SBK1: variants seen among roughly 807,000 people sequenced by gnomAD.
SBK1 encodes serine/threonine-protein kinase SBK1.
In SBK1, 11 loss-of-function variants were observed where a neutral mutation model predicts 24.4. That is an observed-to-expected ratio of 0.45 (90% CI 0.28 to 0.75). The LOEUF (loss-of-function observed/expected upper bound fraction) is 0.75, where lower values mean the gene tolerates loss of function less well. Ranked by LOEUF, SBK1 falls within the 30% of genes least tolerant of loss-of-function variation. SBK1 has a pLI of 0.12. For missense variants in SBK1, 467 were observed against 620.5 expected, an observed-to-expected ratio of 0.75 and a Z score of 2.63; for synonymous variants, 308 against 284.4, an observed-to-expected ratio of 1.08 and a Z score of -0.83.
chr16:28,275,133 C>A (rs1201483293), intron 1 of SBK1, among the ~76,000 whole-genome samples: 2 of 152,118 alleles, frequency 1.3e-5, no homozygotes, highest in African/African-American at 2.4e-5. Context: ...CGAAACCAGC[C>A]TGGGCAATAT....
chr16:28,261,775 C>T (rs557230617), intron 1 of SBK1, among the ~76,000 whole-genome samples: 12 of 152,278 alleles, frequency 7.9e-5, no homozygotes, highest in African/African-American at 2.6e-4. Flanking sequence ...AGGTGAACAA[C>T]GTAAGCAAAC....
Position 28,320,364 on chromosome 16 carries a change from G to A in SBK1, c.718G>A (p.Gly240Ser), listed in dbSNP as rs1418027993. The change falls in exon 4 of 4, where the codon GGC becomes AGC. Residue 240 changes from glycine to serine, a missense_variant. Coordinates refer to ENST00000341901, the MANE Select transcript of SBK1 (RefSeq NM_001024401.3). This position sits in a 1 kb window ranked among gnomAD's most constrained non-coding sequence, Gnocchi z 8.5. ...VDTGVDVWAF[G>S]VLIFCVLTGN... The stretch of plus-strand genomic sequence containing the variant: ...CACGGGCGTGGACGTGTGGGCCTTC[G>A]GCGTGCTCATCTTCTGCGTGCTCAC... The A allele has an allele frequency of 6.3e-7, 1 of 1,593,086 alleles. No homozygotes were observed. Among genetic ancestry groups the A allele is most frequent in the Non-Finnish European group, 8.5e-7 (1 of 1,176,222 alleles).
At chr16:28,269,650 T>C (rs1448605394) in intron 1 of SBK1, among the ~76,000 whole-genome samples, 1 of 151,198 alleles carries the variant, frequency 6.6e-6, no homozygotes, top group Non-Finnish European at 1.5e-5. Flanking sequence ...GCAGGATCAG[T>C]TGAGGTCAGG....
intron 1 of SBK1, among the ~76,000 whole-genome samples, chr16:28,273,039 T>C (rs2044476441): frequency 6.6e-6 from 1 of 152,152 alleles, no homozygotes; most frequent in Non-Finnish European, 1.5e-5. Context: ...TGAATATTGT[T>C]GTAAAGAACA....
chr16:28,303,114 A>C (rs2044690507), intron 1 of SBK1, among the ~76,000 whole-genome samples: 1 of 144,476 alleles, frequency 6.9e-6, no homozygotes. Flanking sequence ...TGTTCAGGGA[A>C]CAGTGGGGGG....
intron 1 of SBK1, among the ~76,000 whole-genome samples, chr16:28,278,226 C>A (rs1299363096): frequency 1.3e-5 from 2 of 152,216 alleles, no homozygotes; most frequent in Non-Finnish European, 2.9e-5. Context: ...CACATCCGGT[C>A]CCGGGAGAGA....
At chr16:28,304,179 T>G (rs936498050) in intron 1 of SBK1, among the ~76,000 whole-genome samples, 1 of 152,178 alleles carries the variant, frequency 6.6e-6, no homozygotes, top group African/African-American at 2.4e-5. Flanking sequence ...CATTCAGAGT[T>G]TGGTCAAATG....
In SBK1 at chr16:28,321,270, C is replaced by T. The variant is rs528502490; in HGVS notation, c.*349C>T. The T allele has an allele frequency of 3.5e-5, 6 of 172,652 alleles. No individual in the cohort carries two copies. In the East Asian group the frequency reaches 9.3e-4, roughly 27 times the overall value. The allele number at this position is 172,652 out of a possible 1,614,324, so 10.7% of individuals were successfully genotyped here. A position where few individuals can be genotyped will look rare whatever the true frequency, so the allele number is the denominator to read the frequency against. On this transcript the variant is annotated 3_prime_UTR_variant, in exon 4 of 4. Transcript: ENST00000341901. ...AGCAAGGGAGCTTTCGGGCCACACT[C>T]CCAGACGCCTCCCTGAGCCCTGGAA...
At chr16:28,269,874 T>TCAAA (rs542264237) in intron 1 of SBK1, among the ~76,000 whole-genome samples, 16 of 151,928 alleles carry the variant, frequency 1.1e-4, no homozygotes, top group East Asian at 3.9e-4. Context: ...AGACTCCGTC[T>TCAAA]CAAACAAACA....
At chr16:28,313,507 A>G (rs1178415340) in intron 1 of SBK1, among the ~76,000 whole-genome samples, 1 of 151,398 alleles carries the variant, frequency 6.6e-6, no homozygotes, top group South Asian at 2.1e-4. Context: ...CTGAGATGGG[A>G]AGATTGCCAG....
chr16:28,318,199 T>G (rs1179785403), intron 2 of SBK1, among the ~76,000 whole-genome samples: 1 of 152,160 alleles, frequency 6.6e-6, no homozygotes, highest in East Asian at 1.9e-4. Flanking sequence ...GCTTAGTCAC[T>G]GAGCTTGATA....
intron 1 of SBK1, among the ~76,000 whole-genome samples, chr16:28,266,118 A>C (rs994463902): frequency 6.6e-6 from 1 of 152,140 alleles, no homozygotes; most frequent in Admixed American, 6.6e-5. Flanking sequence ...TCACAACTGT[A>C]ACCCGACACC....
At chr16:28,308,834 G>A (rs956245774) in intron 1 of SBK1, among the ~76,000 whole-genome samples, 4 of 150,896 alleles carry the variant, frequency 2.7e-5, no homozygotes, top group Admixed American at 2.0e-4. Flanking sequence ...GTCCAGGCTG[G>A]AATACAGTGG....
rs1416768665 is a variant in SBK1 at position 28,260,177 on chromosome 16, T to C, written c.257+675T>C. ...ACTGGGTATTGGGGGTGACCGTGTG[T>C]GACTGTGAGCCTGTGTACATGTTTG... is the stretch of plus-strand genomic sequence containing the variant. On this transcript the variant is annotated intron_variant, in intron 1 of 3. Coordinates refer to the SBK1 transcript ENST00000671413. Among the ~76,000 whole-genome samples the C allele has an allele frequency of 3.3e-5, 5 of 152,218 alleles. No individual in the cohort carries two copies. In the East Asian group the frequency reaches 9.7e-4, roughly 29 times the overall value.
chr16:28,284,393 G>A (rs887038746), intron 1 of SBK1, among the ~76,000 whole-genome samples: 11 of 152,234 alleles, frequency 7.2e-5, no homozygotes, highest in Non-Finnish European at 1.0e-4. Flanking sequence ...GAAGTCCAGG[G>A]GATGCCCCCT....
upstream of SBK1, chr16:28,258,898 C>CTTAG (rs1181055811): frequency 6.5e-6 from 1 of 152,804 alleles, no homozygotes; most frequent in Admixed American, 6.5e-5. Context: ...AACAAACTTT[C>CTTAG]TTAGGGAAGG....
In SBK1 at chr16:28,323,663, G is replaced by A. The variant is rs2044875399; in HGVS notation, c.*2742G>A. Reference sequence around the variant, plus strand: ...ACATCAGCGTCCATGCTTGGCTCAGGGCCTGGGGCGGGGTCCTGGGTAGAG... The same window carrying A: ...ACATCAGCGTCCATGCTTGGCTCAGAGCCTGGGGCGGGGTCCTGGGTAGAG... On this transcript the variant is annotated 3_prime_UTR_variant, in exon 4 of 4. Transcript: ENST00000341901. 1 of 152,714 alleles carries A rather than the reference G, an allele frequency of 6.5e-6. No homozygotes were observed. Among genetic ancestry groups the A allele is most frequent in the African/African-American group, 2.4e-5 (1 of 41,410 alleles). The allele number at this position is 152,714 out of a possible 1,614,324, so 9.5% of individuals were successfully genotyped here. A position where few individuals can be genotyped will look rare whatever the true frequency, so the allele number is the denominator to read the frequency against.
chr16:28,276,656 T>G (rs193286977), intron 1 of SBK1, among the ~76,000 whole-genome samples: 2 of 151,064 alleles, frequency 1.3e-5, no homozygotes, highest in African/African-American at 4.9e-5. Context: ...TTTTATTTAT[T>G]TATTTATGTA....
At position 28,319,109 on chromosome 16, in the gene SBK1, T is replaced by C; in HGVS notation, c.341T>C (p.Phe114Ser). The change falls in exon 3 of 4, where the codon TTT becomes TCT. Residue 114 changes from phenylalanine (F) to serine (S), a missense_variant. Transcript: ENST00000341901. The surrounding 1 kb of genome is among the most constrained non-coding windows in gnomAD (Gnocchi z 4.0). ...LSSSPFIIKV[F>S]DVVFETEDCY... is the part of the protein sequence containing the mutation. ...TCCAGCCCCTTCATCATCAAGGTCT[T>C]TGACGTGGTCTTTGAGACAGAGGAC... The C allele has an allele frequency of 6.2e-7, 1 of 1,614,098 alleles. No individual in the cohort carries two copies. Among genetic ancestry groups the C allele is most frequent in the East Asian group, 2.2e-5 (1 of 44,870 alleles).
Sources: allele counts gnomAD v4.1 joint callset (sites outside exome capture counted in the v4.1 genomes callset), GRCh38; gene constraint gnomAD v4.1.1; non-coding constraint Gnocchi (gnomAD v3.1); transcripts MANE v1.5; gene names NCBI Gene and HGNC (gene_info 2026-07-23, HGNC 2026-07-21).